Variants in PAXIP1 observed in about 807,000 individuals in gnomAD.
The protein encoded by PAXIP1 is PAX-interacting protein 1.
In PAXIP1, 19 loss-of-function variants were observed where a neutral mutation model predicts 140.6. That is an observed-to-expected ratio of 0.14 (90% CI 0.09 to 0.20). The LOEUF is 0.20. Among genes scored for constraint, PAXIP1 ranks in the 10% least tolerant of loss-of-function variants. The pLI is 1.00. For missense variants in PAXIP1, 920 were observed against 1,208.6 expected (o/e 0.76, Z 3.54); for synonymous variants, 442 against 444.6 (o/e 0.99, Z 0.07).
chr7:154,944,076 G>C lies in PAXIP1; in HGVS notation c.*73C>G, dbSNP rs770866436. On this transcript the variant is annotated 3_prime_UTR_variant, in exon 21 of 21. Transcript: ENST00000404141. ...GAAAACAAGAGCATGTGAAGGAAGCGCAGCAGCTCCTCGCCAGCCAGACAG... is the reference window on the plus strand; with the variant it reads ...GAAAACAAGAGCATGTGAAGGAAGCCCAGCAGCTCCTCGCCAGCCAGACAG... 2.7e-6 allele frequency: 4 copies of C among 1,458,916 alleles called. No individual in the cohort carries two copies. In the East Asian group the frequency reaches 6.9e-5, roughly 25 times the overall value. 90.4% of individuals were successfully genotyped at this position (1,458,916 alleles called of 1,614,324 possible).
At chr7:154,962,989 C>T (rs1455086123) in intron 9 of PAXIP1, among the ~76,000 whole-genome samples, 1 of 152,028 alleles carries the variant, frequency 6.6e-6, no homozygotes, top group African/African-American at 2.4e-5. Flanking sequence ...AGAAATGAAA[C>T]TTCAGAGAGC....
Position 154,946,903 on chromosome 7 carries a change from T to C in PAXIP1, c.2923-90A>G. 9.8e-7 allele frequency: 1 copy of C among 1,024,940 alleles called. No individual in the cohort carries two copies. The highest frequency in any genetic ancestry group is 2.6e-5 in the Admixed American group (1 of 37,794). 63.5% of individuals were successfully genotyped at this position (1,024,940 alleles called of 1,614,324 possible). ...TCTCATAGATTCTGCCCTGAGATTT[T>C]TGACAAAATTTCAAATTTTATGACA... On this transcript the variant is annotated intron_variant, in intron 17 of 20. Coordinates refer to ENST00000404141, the MANE Select transcript of PAXIP1 (RefSeq NM_007349.4). The surrounding 1 kb of genome is among the most constrained non-coding windows in gnomAD (Gnocchi z 4.9).
intron 6 of PAXIP1, among the ~76,000 whole-genome samples, chr7:154,971,415 G>A (rs1045715922): frequency 1.4e-4 from 21 of 152,232 alleles, no homozygotes; most frequent in South Asian, 2.1e-4. Flanking sequence ...GAAGATGGCC[G>A]TTGGCCTGGA....
intron 13 of PAXIP1, 60 bp from the exon 14 acceptor site, chr7:154,957,354 C>T: frequency 1.2e-6 from 1 of 869,562 alleles, no homozygotes; most frequent in Admixed American, 2.5e-5. Flanking sequence ...ACAGTAGCTT[C>T]CAGAAGATTT....
At chr7:155,002,540 C>T (rs1382797035) in intron 1 of PAXIP1, among the ~76,000 whole-genome samples, 1 of 151,864 alleles carries the variant, frequency 6.6e-6, no homozygotes, top group Non-Finnish European at 1.5e-5. Flanking sequence ...AGCAAAGGAG[C>T]AGAGAACGAG....
At chr7:154,960,783 A>C in intron 12 of PAXIP1, 110 bp downstream of exon 12, 1 of 703,558 alleles carries the variant, frequency 1.4e-6, no homozygotes, top group Non-Finnish European at 2.2e-6. Context: ...GTCAAAAACT[A>C]ATTAGAAAGC....
chr7:154,978,776 ATTTT>A (rs1239408161), intron 5 of PAXIP1, among the ~76,000 whole-genome samples: 1 of 152,342 alleles, frequency 6.6e-6, no homozygotes, highest in South Asian at 2.1e-4. Context: ...AAAAAAAGTT[ATTTT>A]TAATTGTTTT....
intron 4 of PAXIP1, among the ~76,000 whole-genome samples, chr7:154,989,245 C>T (rs1329516637): frequency 2.6e-5 from 4 of 152,186 alleles, no homozygotes; most frequent in Admixed American, 6.5e-5. Flanking sequence ...GGATCAAGTT[C>T]AGACCGGTGA....
chr7:154,972,989 G>A (rs116797210), intron 6 of PAXIP1, among the ~76,000 whole-genome samples: 57 of 152,374 alleles, frequency 3.7e-4, no homozygotes, highest in African/African-American at 1.3e-3. Context: ...GCTGTGCCCT[G>A]TGGCTTTATC....
chr7:154,966,341 T>C (rs1809020361), intron 8 of PAXIP1, among the ~76,000 whole-genome samples: 1 of 152,184 alleles, frequency 6.6e-6, no homozygotes, highest in African/African-American at 2.4e-5. Context: ...GAAAACAGTT[T>C]TCTCTACCAG....
At chr7:154,977,959 TTTTTAATGTACATTTTC>T (rs1162158363) in intron 5 of PAXIP1, among the ~76,000 whole-genome samples, 1 of 149,944 alleles carries the variant, frequency 6.7e-6, no homozygotes, top group Non-Finnish European at 1.5e-5. Flanking sequence ...CAGACCAAAC[TTTTTAATGTACATTTTC>T]GAACGCAGAC....
chr7:155,002,794 G>A (rs2150795081), intron 1 of PAXIP1, 55 bp downstream of exon 1: 2 of 1,021,334 alleles, frequency 2.0e-6, no homozygotes, highest in Non-Finnish European at 2.6e-6. Context: ...ACGGGGACGG[G>A]GACGGACGGG....
In PAXIP1 at chr7:154,944,051, GA is replaced by G. The variant is rs1178132482; in HGVS notation, c.*97del. ...GTCTGATCCCCCAGGAAAGCAGCTG[GA>G]AAACAAGAGCATGTGAAGGAAGCGC... On this transcript the variant is annotated 3_prime_UTR_variant, in exon 21 of 21. Transcript: ENST00000404141. 8.8e-7 allele frequency: 1 copy of G among 1,142,586 alleles called. No individual in the cohort carries two copies. Among genetic ancestry groups the G allele is most frequent in the Non-Finnish European group, 1.3e-6 (1 of 763,430 alleles). 70.8% of individuals were successfully genotyped at this position (1,142,586 alleles called of 1,614,324 possible). A position where few individuals can be genotyped will look rare whatever the true frequency, so the allele number is the denominator to read the frequency against.
chr7:154,986,204 A>T lies in PAXIP1; in HGVS notation c.325-2872T>A. The T allele has an allele frequency of 7.4e-7, 1 of 1,345,864 alleles. No homozygotes were observed. The highest frequency in any genetic ancestry group is 9.9e-7 in the Non-Finnish European group (1 of 1,013,742). 83.4% of individuals were successfully genotyped at this position (1,345,864 alleles called of 1,614,324 possible). ...CCTGACGGGGAAAAGACAGAAGGTC[A>T]CTGAGAACCACCAAGAAACAGTCCT... is the stretch of plus-strand genomic sequence containing the variant. On this transcript the variant is annotated intron_variant, in intron 4 of 20. Transcript: ENST00000404141. This position sits in a 1 kb window ranked among gnomAD's most constrained non-coding sequence, Gnocchi z 4.8.
Position 154,968,283 on chromosome 7 carries a change from A to T in PAXIP1, c.1798+120T>A, listed in dbSNP as rs1483238477. The T allele has an allele frequency of 6.4e-6, 5 of 785,672 alleles. No homozygotes were observed. In the Admixed American group the frequency reaches 8.8e-5, roughly 14 times the overall value. 48.7% of individuals were successfully genotyped at this position (785,672 alleles called of 1,614,324 possible). A position where few individuals can be genotyped will look rare whatever the true frequency, so the allele number is the denominator to read the frequency against. On this transcript the variant is annotated intron_variant, in intron 7 of 20. Coordinates refer to ENST00000404141, the MANE Select transcript of PAXIP1 (RefSeq NM_007349.4). ...ATTCTTTGTTAGGTATGAGACTCAC[A>T]CTCTCCATTTTGTAGTAATTGTTTT...
At chr7:154,995,576 G>A (rs1236865958) in intron 2 of PAXIP1, among the ~76,000 whole-genome samples, 2 of 152,172 alleles carry the variant, frequency 1.3e-5, no homozygotes, top group Admixed American at 6.5e-5. Context: ...CTGGCTGATC[G>A]CGATGGCTCA....
chr7:154,995,438 A>G (rs1454938519), intron 2 of PAXIP1, among the ~76,000 whole-genome samples: 2 of 152,240 alleles, frequency 1.3e-5, no homozygotes, highest in African/African-American at 4.8e-5. Flanking sequence ...CCTACTTCAG[A>G]TAAGTTTAGA....
At chr7:154,949,405 C>T (rs891797598) in intron 16 of PAXIP1, 1 of 151,846 alleles carries the variant, frequency 6.6e-6, no homozygotes, top group Non-Finnish European at 1.5e-5. Flanking sequence ...CCTGAGTCAA[C>T]CAGCAGATAG....
chr7:154,962,492 T>G, intron 9 of PAXIP1, 34 bp from the exon 10 acceptor site: 1 of 1,589,330 alleles, frequency 6.3e-7, no homozygotes, highest in Non-Finnish European at 8.6e-7. Context: ...TTGTTGTTTT[T>G]GTTTTTCTGC....
Sources: gnomAD v4.1 joint callset for allele counts (sites outside exome capture counted in the v4.1 genomes callset) on GRCh38, gnomAD v4.1.1 for gene constraint, Gnocchi (gnomAD v3.1) non-coding constraint, MANE v1.5 for transcripts, NCBI Gene and HGNC (gene_info 2026-07-23, HGNC 2026-07-21) for gene names.